PDE11A: variants seen among roughly 807,000 people sequenced by gnomAD.
The protein encoded by PDE11A is dual 3',5'-cyclic-AMP and -GMP phosphodiesterase 11A.
In PDE11A, 100 loss-of-function variants were observed where a neutral mutation model predicts 100.5. The observed-to-expected ratio is 1.00, with a 90% confidence interval of 0.85 to 1.18. The LOEUF is 1.18. Ranked by LOEUF, PDE11A falls within the 50% of genes most tolerant of loss-of-function variation. The probability of loss-of-function intolerance (pLI) is 0.00; values close to 1 mark genes in which losing one functional copy is unlikely to be tolerated. For synonymous variants in PDE11A, 381 were observed against 420.8 expected, an observed-to-expected ratio of 0.91 and a Z score of 1.16; for missense variants, 1,141 against 1,152.6, an observed-to-expected ratio of 0.99 and a Z score of 0.15.
At chr2:177,636,245 T>C (rs2080035992) in intron 19 of PDE11A, among the ~76,000 whole-genome samples, 1 of 152,174 alleles carries the variant, frequency 6.6e-6, no homozygotes, top group South Asian at 2.1e-4. Flanking sequence ...TACACAAATC[T>C]AGAATTTGAT....
intron 2 of PDE11A, among the ~76,000 whole-genome samples, chr2:177,980,066 C>G (rs929120244): frequency 6.7e-6 from 1 of 150,332 alleles, no homozygotes; most frequent in African/African-American, 2.4e-5. Flanking sequence ...TCTTGAAACT[C>G]CTCCCCTGAC....
chr2:177,911,066 T>C (rs542640918), intron 2 of PDE11A, among the ~76,000 whole-genome samples: 1 of 152,314 alleles, frequency 6.6e-6, no homozygotes, highest in African/African-American at 2.4e-5. Context: ...TCCCTTTGTG[T>C]AGATTCTGAA....
At chr2:177,904,105 G>A (rs1316229267) in intron 3 of PDE11A, among the ~76,000 whole-genome samples, 1 of 152,088 alleles carries the variant, frequency 6.6e-6, no homozygotes, top group Non-Finnish European at 1.5e-5. Flanking sequence ...ACATCGTTTT[G>A]TTAAATATAT....
chr2:177,663,830 C>A (rs1471566852), intron 19 of PDE11A, 36 bp downstream of exon 19: 1 of 1,128,672 alleles, frequency 8.9e-7, no homozygotes, highest in East Asian at 2.3e-5. Context: ...TTTTCTGATT[C>A]AGTCAGAACA....
chr2:178,095,342 C>A (rs147882101), intron 2 of PDE11A, among the ~76,000 whole-genome samples: 2 of 151,886 alleles, frequency 1.3e-5, no homozygotes, highest in African/African-American at 4.8e-5. Context: ...AAATCCAGCA[C>A]GGCAGTCAAA....
intron 4 of PDE11A, 66 bp downstream of exon 4, chr2:177,897,992 T>C: frequency 7.6e-7 from 1 of 1,321,710 alleles, no homozygotes; most frequent in South Asian, 1.2e-5. Context: ...CAAGTTTAAT[T>C]ATAAATAAAC....
intron 9 of PDE11A, among the ~76,000 whole-genome samples, chr2:177,801,262 A>G (rs1187492706): frequency 6.6e-6 from 1 of 152,214 alleles, no homozygotes; most frequent in East Asian, 1.9e-4. Flanking sequence ...TCTTTATGAT[A>G]CAGTATAATA....
At chr2:177,687,175 AT>A (rs1351429687) in intron 15 of PDE11A, 1 of 152,228 alleles carries the variant, frequency 6.6e-6, no homozygotes, top group Non-Finnish European at 1.5e-5. Context: ...CGTAAAAGGT[AT>A]AAAAATTACA....
intron 6 of PDE11A, among the ~76,000 whole-genome samples, chr2:177,833,858 C>T (rs1190547984): frequency 3.9e-5 from 6 of 152,182 alleles, no homozygotes; most frequent in East Asian, 3.8e-4. Flanking sequence ...TCCAACCTGC[C>T]CCACAAGTGT....
At chr2:178,099,063 TG>T (rs1375664904) in intron 2 of PDE11A, among the ~76,000 whole-genome samples, 1 of 152,254 alleles carries the variant, frequency 6.6e-6, no homozygotes, top group Non-Finnish European at 1.5e-5. Context: ...AAAATGCAAG[TG>T]GTGCTTCAAT....
At chr2:178,097,215 A>G (rs1394560128) in intron 2 of PDE11A, among the ~76,000 whole-genome samples, 1 of 152,174 alleles carries the variant, frequency 6.6e-6, no homozygotes, top group Non-Finnish European at 1.5e-5. Context: ...GTATCTTTAT[A>G]GCAGTGCCCC....
intron 2 of PDE11A, among the ~76,000 whole-genome samples, chr2:177,990,441 A>G (rs2085988492): frequency 6.6e-6 from 1 of 152,136 alleles, no homozygotes; most frequent in South Asian, 2.1e-4. Context: ...TGGGGGGGAT[A>G]GTTTCAAAAA....
chr2:178,096,164 C>CTT (rs1257178630), intron 2 of PDE11A, among the ~76,000 whole-genome samples: 19 of 110,286 alleles, frequency 1.7e-4, no homozygotes, highest in South Asian at 3.1e-4. Flanking sequence ...TTTTTCTTTT[C>CTT]TTTTCTTTTT....
intron 9 of PDE11A, among the ~76,000 whole-genome samples, chr2:177,773,324 T>C (rs372737358): frequency 1.3e-5 from 2 of 152,218 alleles, no homozygotes; most frequent in Non-Finnish European, 2.9e-5. Context: ...CTTTCTAAAA[T>C]TTTTTTACTG....
At chr2:177,702,424 G>T (rs550809932) in intron 13 of PDE11A, 1 of 152,146 alleles carries the variant, frequency 6.6e-6, no homozygotes, top group Non-Finnish European at 1.5e-5. Context: ...CAGTGTAAAC[G>T]GCAGCCATGG....
At chr2:177,986,382 C>T (rs1432068348) in intron 2 of PDE11A, among the ~76,000 whole-genome samples, 2 of 152,216 alleles carry the variant, frequency 1.3e-5, no homozygotes, top group Non-Finnish European at 2.9e-5. Flanking sequence ...CTCTGTGTGC[C>T]TGCTCTACCC....
chr2:177,940,350 C>T (rs756123010), intron 2 of PDE11A, among the ~76,000 whole-genome samples: 22 of 152,064 alleles, frequency 1.4e-4, no homozygotes, highest in Non-Finnish European at 3.1e-4. Context: ...TTTTTGAAGA[C>T]ATCCAGGCCA....
chr2:177,950,569 G>A (rs1374993593), intron 2 of PDE11A, among the ~76,000 whole-genome samples: 1 of 152,108 alleles, frequency 6.6e-6, no homozygotes, highest in Non-Finnish European at 1.5e-5. Context: ...TTTTCAGGAT[G>A]GGGAGAAATG....
rs1469101142 is a variant in PDE11A, at chr2:177,769,318, C to T, written c.1788+5G>A. ...CACTAATAAGGAAACCATTTTCTTC[C>T]TTACCTTAAACTTGTCAACTTCAGC... On this transcript the variant is annotated splice_donor_5th_base_variant and intron_variant, in intron 10 of 19. Coordinates refer to ENST00000286063, the MANE Select transcript of PDE11A (RefSeq NM_016953.4). 1.3e-6 allele frequency: 2 copies of T among 1,570,666 alleles called. No individual in the cohort carries two copies. Among genetic ancestry groups the T allele is most frequent in the South Asian group, 1.1e-5 (1 of 90,208 alleles).
Sources: gnomAD v4.1 joint callset for allele counts (sites outside exome capture counted in the v4.1 genomes callset) on GRCh38, gnomAD v4.1.1 for gene constraint, MANE v1.5 for transcripts, NCBI Gene and HGNC (gene_info 2026-07-23, HGNC 2026-07-21) for gene names.